Variants in PTPRD observed in about 807,000 individuals in gnomAD.
The protein encoded by PTPRD is receptor-type tyrosine-protein phosphatase delta.
In PTPRD, 34 loss-of-function variants were observed where a neutral mutation model predicts 214.5. The observed-to-expected ratio is 0.16, with a 90% CI of 0.12 to 0.21. PTPRD has a LOEUF of 0.21. Ranked by LOEUF, PTPRD falls within the 10% of genes least tolerant of loss-of-function variation. The pLI is 1.00. For missense variants in PTPRD, 2,545 were observed against 2,398.7 expected (o/e 1.06, Z -1.27); for synonymous variants, 1,128 against 845.7 (o/e 1.33, Z -5.79).
chr9:9,015,756 A>T (rs2099532184), intron 11 of PTPRD, among the ~76,000 whole-genome samples: 2 of 152,290 alleles, frequency 1.3e-5, no homozygotes, highest in South Asian at 4.1e-4. Flanking sequence ...TTCTTAAAGA[A>T]GATGAAGAGA....
rs114626974 is a variant in PTPRD, at chr9:8,777,448, G to C, written c.-103-43502C>G. On this transcript the variant is annotated intron_variant, in intron 11 of 45. Transcript: ENST00000381196. ...ACATTTTTACGTAATTTTGAAAGTA[G>C]TTGCCATACCTCCTTCCTCAAAATA... is the stretch of plus-strand genomic sequence containing the variant. 5.3e-3 allele frequency among the ~76,000 whole-genome samples: 808 copies of C among 152,232 alleles called. 8 individuals are homozygous for C. The highest frequency in any genetic ancestry group is 0.019 in the African/African-American group (780 of 41,536).
At chr9:8,884,762 C>T (rs2098472876) in intron 11 of PTPRD, among the ~76,000 whole-genome samples, 1 of 152,148 alleles carries the variant, frequency 6.6e-6, no homozygotes, top group Admixed American at 6.5e-5. Context: ...ACTGATTTGC[C>T]ATAACTCACC....
chr9:10,270,892 G>A (rs114305453), intron 3 of PTPRD, among the ~76,000 whole-genome samples: 1,886 of 152,064 alleles, frequency 0.012, 42 homozygotes, highest in African/African-American at 0.043. Flanking sequence ...GTGCAGTGGT[G>A]CAATCATAGC....
At chr9:10,464,781 G>A (rs973616125) in intron 2 of PTPRD, among the ~76,000 whole-genome samples, 6 of 151,688 alleles carry the variant, frequency 4.0e-5, no homozygotes, top group East Asian at 1.9e-4. Flanking sequence ...ATGTAACAAC[G>A]GTAATGTCAG....
chr9:10,111,503 G>C (rs2098692056), intron 3 of PTPRD, among the ~76,000 whole-genome samples: 1 of 151,996 alleles, frequency 6.6e-6, no homozygotes, highest in South Asian at 2.1e-4. Context: ...CTCCCAAAGT[G>C]CTGGGATTAC....
chr9:8,314,297 T>G lies in PTPRD; in HGVS notation c.*3577A>C, dbSNP rs1474141094. 1.4e-5 allele frequency: 3 copies of G among 222,152 alleles called. No homozygotes were observed. Among genetic ancestry groups the G allele is most frequent in the South Asian group, 1.8e-4 (1 of 5,428 alleles). 13.8% of individuals were successfully genotyped at this position (222,152 alleles called of 1,614,324 possible). A position where few individuals can be genotyped will look rare whatever the true frequency, so the allele number is the denominator to read the frequency against. Reference sequence around the variant, plus strand: ...ATTCATTTGTAACAAATGGAACTTGTGTCAGCAAAGAACTGATTTTCATAC... The same window carrying G: ...ATTCATTTGTAACAAATGGAACTTGGGTCAGCAAAGAACTGATTTTCATAC... On this transcript the variant is annotated 3_prime_UTR_variant, in exon 46 of 46. Coordinates refer to ENST00000381196, the MANE Select transcript of PTPRD (RefSeq NM_002839.4).
At chr9:9,948,520 T>C (rs2093071310) in intron 4 of PTPRD, among the ~76,000 whole-genome samples, 1 of 151,254 alleles carries the variant, frequency 6.6e-6, no homozygotes, top group South Asian at 2.1e-4. Context: ...AAAAGTAAAA[T>C]GTAGAGATAA....
intron 3 of PTPRD, among the ~76,000 whole-genome samples, chr9:10,256,038 G>A (rs537688212): frequency 6.6e-6 from 1 of 152,274 alleles, no homozygotes; most frequent in South Asian, 2.1e-4. Context: ...ATTATCACAG[G>A]AGTGCAAACA....
intron 9 of PTPRD, among the ~76,000 whole-genome samples, chr9:9,211,558 C>G (rs887601134): frequency 7.5e-6 from 1 of 133,338 alleles, no homozygotes; most frequent in Admixed American, 7.6e-5. Flanking sequence ...CACACACACA[C>G]AAGAGCTAAG....
chr9:9,211,515 G>GCACGCA (rs1554988371), intron 9 of PTPRD, among the ~76,000 whole-genome samples: 7 of 143,656 alleles, frequency 4.9e-5, no homozygotes, highest in African/African-American at 1.3e-4. Flanking sequence ...GTGTGCGCAC[G>GCACGCA]CACACACACA....
intron 9 of PTPRD, among the ~76,000 whole-genome samples, chr9:9,243,803 G>C (rs556625839): frequency 9.9e-5 from 15 of 152,148 alleles, no homozygotes; most frequent in African/African-American, 3.1e-4. Context: ...TATCAGGCAG[G>C]AGAATGAAGT....
intron 8 of PTPRD, among the ~76,000 whole-genome samples, chr9:9,480,202 C>A (rs748636839): frequency 6.6e-6 from 1 of 152,076 alleles, no homozygotes; most frequent in East Asian, 1.9e-4. Context: ...GTGAATAATT[C>A]CACTGAGGTG....
chr9:9,120,201 C>T (rs1253474067), intron 10 of PTPRD, among the ~76,000 whole-genome samples: 1 of 152,164 alleles, frequency 6.6e-6, no homozygotes. Flanking sequence ...TAGAGAAGTA[C>T]TAGACTGAAG....
At chr9:9,212,327 C>T (rs2099949297) in intron 9 of PTPRD, among the ~76,000 whole-genome samples, 1 of 152,098 alleles carries the variant, frequency 6.6e-6, no homozygotes, top group Admixed American at 6.5e-5. Flanking sequence ...CAAATGTCTC[C>T]TGCCACCCCT....
intron 3 of PTPRD, among the ~76,000 whole-genome samples, chr9:10,085,196 G>A (rs1242347101): frequency 1.3e-5 from 2 of 151,732 alleles, no homozygotes; most frequent in African/African-American, 2.4e-5. Flanking sequence ...TAATATTTGT[G>A]TAATTTATAA....
At position 8,745,450 on chromosome 9, in the gene PTPRD, G is replaced by A. The variant is rs145948595; in HGVS notation, c.-103-11504C>T. Among the ~76,000 whole-genome samples, 22 of 152,264 alleles carry A rather than the reference G, an allele frequency of 1.4e-4. No individual in the cohort carries two copies. In the East Asian group the frequency reaches 3.9e-3, roughly 27 times the overall value. ...ACGAAAGGGGAAGGCAACCTTAAAG[G>A]CGGGGTATAGGAAGGCAGGATGAAA... is the stretch of plus-strand genomic sequence containing the variant. On this transcript the variant is annotated intron_variant, in intron 11 of 45. Coordinates refer to ENST00000381196, the MANE Select transcript of PTPRD (RefSeq NM_002839.4).
chr9:9,166,717 C>G (rs770159538), intron 10 of PTPRD, among the ~76,000 whole-genome samples: 1 of 152,110 alleles, frequency 6.6e-6, no homozygotes, highest in Non-Finnish European at 1.5e-5. Context: ...CCTCACTGGT[C>G]TTCTTAAAAA....
At chr9:9,373,041 T>C (rs976358427) in intron 9 of PTPRD, among the ~76,000 whole-genome samples, 6 of 152,088 alleles carry the variant, frequency 3.9e-5, no homozygotes, top group African/African-American at 1.4e-4. Context: ...CTCAATGTTA[T>C]GTATCTTTAA....
chr9:9,828,714 A>AT lies in PTPRD; in HGVS notation c.-367-61864dup, dbSNP rs549308486. 6.7e-3 allele frequency among the ~76,000 whole-genome samples: 975 copies of AT among 144,882 alleles called. 8 individuals are homozygous for AT. Among genetic ancestry groups the AT allele is most frequent in the African/African-American group, 0.02 (779 of 39,718 alleles). Reference sequence around the variant, plus strand: ...ATCTAAAGGTAAGAACCTAAGCAGGATTTTTTTTTTTTTTACTTTGCTTGT... The same window carrying AT: ...ATCTAAAGGTAAGAACCTAAGCAGGATTTTTTTTTTTTTTTACTTTGCTTGT... On this transcript the variant is annotated intron_variant, in intron 5 of 45. Transcript: ENST00000381196.
Sources: gnomAD v4.1 joint callset for allele counts (sites outside exome capture counted in the v4.1 genomes callset) on GRCh38, gnomAD v4.1.1 for gene constraint, MANE v1.5 for transcripts, NCBI Gene and HGNC (gene_info 2026-07-23, HGNC 2026-07-21) for gene names.